Variants in TEC observed in about 807,000 individuals in gnomAD.
TEC encodes the protein tec protein tyrosine kinase.
A neutral mutation model predicts 93.0 loss-of-function variants in TEC; 72 were observed. The ratio of observed to expected loss-of-function variants is 0.77; its 90% confidence interval spans 0.64 to 0.94. The LOEUF (loss-of-function observed/expected upper bound fraction) is 0.94. Among genes scored for constraint, TEC ranks in the 40% least tolerant of loss-of-function variants. TEC has a pLI of 0.00. For missense variants in TEC, 630 were observed against 757.9 expected, an observed-to-expected ratio of 0.83 and a Z score of 1.98; for synonymous variants, 249 against 247.7, an observed-to-expected ratio of 1.01 and a Z score of -0.05.
intron 1 of TEC, among the ~76,000 whole-genome samples, chr4:48,250,385 A>G (rs1313114271): frequency 6.6e-6 from 1 of 152,212 alleles, no homozygotes; most frequent in Non-Finnish European, 1.5e-5. Flanking sequence ...TGATTGGAAT[A>G]ATGGCCCCAA....
chr4:48,141,228 T>C, intron 15 of TEC, 127 bp downstream of exon 15: 1 of 785,930 alleles, frequency 1.3e-6, no homozygotes, highest in South Asian at 1.6e-5. Flanking sequence ...CAATATATAC[T>C]TAATTTAATC....
At chr4:48,243,825 G>C (rs1723982247) in intron 1 of TEC, among the ~76,000 whole-genome samples, 2 of 152,106 alleles carry the variant, frequency 1.3e-5, no homozygotes, top group South Asian at 2.1e-4. Flanking sequence ...TGGGGGTTGG[G>C]GATCTGGTGG....
At chr4:48,209,604 C>G (rs951167670) in intron 2 of TEC, among the ~76,000 whole-genome samples, 4 of 152,042 alleles carry the variant, frequency 2.6e-5, no homozygotes, top group African/African-American at 4.8e-5. Flanking sequence ...CAGAGTGAGA[C>G]TTTGTCTCAA....
chr4:48,231,008 T>C (rs1164376484), intron 1 of TEC, among the ~76,000 whole-genome samples: 1 of 152,252 alleles, frequency 6.6e-6, no homozygotes, highest in Non-Finnish European at 1.5e-5. Flanking sequence ...CTCACTTAGC[T>C]GTTAAGGAAT....
At chr4:48,156,553 G>T in intron 9 of TEC, 127 bp downstream of exon 9, 1 of 719,286 alleles carries the variant, frequency 1.4e-6, no homozygotes, top group South Asian at 3.0e-5. Context: ...TCAGCCTCTG[G>T]GAATAGTTTT....
rs201475353 is a variant in TEC at position 48,241,826 on chromosome 4, C to T, written c.-45-13167G>A. On this transcript the variant is annotated intron_variant, in intron 1 of 17. Transcript: ENST00000381501. Reference sequence around the variant, plus strand: ...TCCCTCAAATGTTTCCTCTTCTTCACTCAACCATCTTTTTACCATTTTCAG... The same window carrying T: ...TCCCTCAAATGTTTCCTCTTCTTCATTCAACCATCTTTTTACCATTTTCAG... Among the ~76,000 whole-genome samples the T allele has an allele frequency of 3.4e-5, 4 of 117,544 alleles. No individual in the cohort carries two copies. The Admixed American group carries it at 3.6e-4, about 11-fold the overall frequency. The allele number at this position is 117,544 out of a possible 152,430, so 77.1% of individuals were successfully genotyped here.
At chr4:48,259,724 A>G (rs958655339) in intron 1 of TEC, among the ~76,000 whole-genome samples, 23 of 152,116 alleles carry the variant, frequency 1.5e-4, no homozygotes, top group Non-Finnish European at 2.8e-4. Context: ...TCAAAAAAAA[A>G]AAAAAAAGAA....
intron 1 of TEC, among the ~76,000 whole-genome samples, chr4:48,259,759 A>T (rs1175694899): frequency 6.6e-6 from 1 of 151,932 alleles, no homozygotes; most frequent in Non-Finnish European, 1.5e-5. Context: ...AAATCTGAAC[A>T]GGAGCTCACT....
intron 1 of TEC, among the ~76,000 whole-genome samples, chr4:48,239,935 TTGA>T (rs1169945829): frequency 1.3e-5 from 2 of 151,946 alleles, no homozygotes; most frequent in Non-Finnish European, 2.9e-5. Context: ...ATATGAGGAT[TTGA>T]TGATATTAAG....
At chr4:48,236,368 A>G (rs1200617031) in intron 1 of TEC, among the ~76,000 whole-genome samples, 1 of 149,706 alleles carries the variant, frequency 6.7e-6, no homozygotes, top group Non-Finnish European at 1.5e-5. Flanking sequence ...GGCAAGCTCC[A>G]CCTCCCGGGT....
intron 11 of TEC, among the ~76,000 whole-genome samples, chr4:48,146,611 C>T (rs546656932): frequency 3.2e-4 from 49 of 152,280 alleles, no homozygotes; most frequent in Non-Finnish European, 6.2e-4. Flanking sequence ...TGCCAGCTTT[C>T]TCTTTTTTCA....
At position 48,136,501 on chromosome 4, in the gene TEC, T is replaced by G. The variant is rs1281960288; in HGVS notation, c.*915A>C. 4 of 152,196 alleles carry G rather than the reference T, an allele frequency of 2.6e-5. No individual in the cohort carries two copies. Among genetic ancestry groups the G allele is most frequent in the African/African-American group, 9.7e-5 (4 of 41,436 alleles). 9.4% of individuals were successfully genotyped at this position (152,196 alleles called of 1,614,324 possible). On this transcript the variant is annotated 3_prime_UTR_variant, in exon 18 of 18. Coordinates refer to ENST00000381501, the MANE Select transcript of TEC (RefSeq NM_003215.3). ...TATAGTGTCTGTGTCCCAGGGAATATTCTTAAGGCTTAGAAGTAGATTACC... is the reference window on the plus strand; with the variant it reads ...TATAGTGTCTGTGTCCCAGGGAATAGTCTTAAGGCTTAGAAGTAGATTACC...
intron 2 of TEC, among the ~76,000 whole-genome samples, chr4:48,177,617 A>G (rs1172065313): frequency 5.3e-5 from 8 of 152,052 alleles, no homozygotes; most frequent in Non-Finnish European, 7.4e-5. Flanking sequence ...GTGCATATTT[A>G]TATCCCCCAA....
chr4:48,175,460 C>A (rs1721283808), intron 3 of TEC, among the ~76,000 whole-genome samples: 1 of 152,150 alleles, frequency 6.6e-6, no homozygotes, highest in Admixed American at 6.6e-5. Flanking sequence ...TGGGGAGGGG[C>A]TGAGAGCTCC....
intron 2 of TEC, among the ~76,000 whole-genome samples, chr4:48,226,650 T>C (rs1312479679): frequency 6.6e-6 from 1 of 152,212 alleles, no homozygotes; most frequent in Non-Finnish European, 1.5e-5. Flanking sequence ...TGTGGTAACC[T>C]ACTGTTCATG....
intron 2 of TEC, among the ~76,000 whole-genome samples, chr4:48,196,111 A>G (rs374375900): frequency 7.9e-5 from 12 of 152,302 alleles, no homozygotes; most frequent in African/African-American, 2.9e-4. Context: ...AGGACTGCCT[A>G]GAGAGCTGGT....
chr4:48,193,934 C>T (rs1722189900), intron 2 of TEC, among the ~76,000 whole-genome samples: 1 of 152,078 alleles, frequency 6.6e-6, no homozygotes, highest in South Asian at 2.1e-4. Flanking sequence ...ACAGAAAATG[C>T]AATTTCTGGG....
At chr4:48,139,540 A>G (rs1196151648) in intron 15 of TEC, among the ~76,000 whole-genome samples, 1 of 152,246 alleles carries the variant, frequency 6.6e-6, no homozygotes, top group Non-Finnish European at 1.5e-5. Flanking sequence ...AAAATGCCAC[A>G]TGTAAATGGT....
chr4:48,209,185 C>T (rs1301307954), intron 2 of TEC, among the ~76,000 whole-genome samples: 1 of 152,040 alleles, frequency 6.6e-6, no homozygotes, highest in Non-Finnish European at 1.5e-5. Flanking sequence ...CTTAAAATAC[C>T]TTTTAATTTT....
Sources: gnomAD v4.1 joint callset for allele counts (sites outside exome capture counted in the v4.1 genomes callset) on GRCh38, gnomAD v4.1.1 for gene constraint, MANE v1.5 for transcripts, NCBI Gene and HGNC (gene_info 2026-07-23, HGNC 2026-07-21) for gene names.